ATG16L1: variants seen among roughly 807,000 people sequenced by gnomAD.
ATG16L1 encodes the protein autophagy-related protein 16-1.
ATG16L1 carries 37 observed loss-of-function variants against 88.5 expected under a neutral mutation model. The observed-to-expected ratio is 0.42, with a 90% CI of 0.32 to 0.55. ATG16L1 has a LOEUF of 0.55. Among genes scored for constraint, ATG16L1 ranks in the 20% least tolerant of loss-of-function variants. The pLI is 0.13. For missense variants in ATG16L1, 554 were observed against 752.8 expected (o/e 0.74, Z 3.09); for synonymous variants, 301 against 281.0 (o/e 1.07, Z -0.71).
chr2:233,263,869 T>C, intron 3 of ATG16L1, 123 bp from the exon 4 acceptor site: 1 of 855,338 alleles, frequency 1.2e-6, no homozygotes, highest in South Asian at 1.6e-5. Flanking sequence ...CATAGGCGCC[T>C]CGGCTCCTTG....
chr2:233,256,055 A>G, intron 1 of ATG16L1, 47 bp from the exon 2 acceptor site: 2 of 1,478,814 alleles, frequency 1.4e-6, no homozygotes, highest in Non-Finnish European at 1.9e-6. Flanking sequence ...GCAAGTGTAC[A>G]TACGTTGTAA....
chr2:233,270,159 T>C (rs1697894601), intron 6 of ATG16L1, 92 bp downstream of exon 6: 2 of 1,262,400 alleles, frequency 1.6e-6, no homozygotes, highest in Admixed American at 2.8e-5. Context: ...TTGGTTTTTT[T>C]TGAGACAGGG....
intron 8 of ATG16L1, 186 bp from the exon 9 acceptor site, chr2:233,274,490 C>G (rs1698208101): frequency 1.4e-5 from 7 of 513,528 alleles, no homozygotes; most frequent in Non-Finnish European, 2.4e-5. Flanking sequence ...GGCTCTCTTT[C>G]TCATTTGAGT....
chr2:233,290,407 T>G (rs754378311), intron 14 of ATG16L1, 54 bp downstream of exon 14: 2 of 1,381,068 alleles, frequency 1.4e-6, no homozygotes, highest in Non-Finnish European at 2.1e-6. Context: ...ACAGTAATGG[T>G]TCTGTACATG....
intron 12 of ATG16L1, chr2:233,289,082 G>A: frequency 2.9e-6 from 1 of 349,918 alleles, no homozygotes; most frequent in East Asian, 6.8e-5. Context: ...GCAACATCGA[G>A]GCTTTAAAAA....
intron 10 of ATG16L1, among the ~76,000 whole-genome samples, chr2:233,279,505 CCTTT>C (rs1698585311): frequency 1.3e-5 from 2 of 152,264 alleles, no homozygotes; most frequent in African/African-American, 4.8e-5. Context: ...TTGTGTAGGG[CCTTT>C]CTTCTACAAA....
intron 12 of ATG16L1, chr2:233,288,578 AC>A (rs1699236686): frequency 2.8e-6 from 1 of 354,482 alleles, no homozygotes; most frequent in East Asian, 7.1e-5. Context: ...CACTTTGCCA[AC>A]CCTTGCATTT....
rs766262130 is a variant in ATG16L1 at position 233,256,166 on chromosome 2, G to C, written c.180G>C (p.Lys60Asn). Residue 60 changes from lysine to asparagine, a missense_variant, in exon 2 of 18, where the codon AAG becomes AAC. By Grantham distance (94) the Lys-to-Asn change is moderately conservative. Transcript: ENST00000392017. ...TGGCCCAGAAACTACAGGCTGAAAA[G>C]CATGACGTACCAAACAGGCACGAGA... Reference protein sequence around the residue: ...SVLAQKLQAEKHDVPNRHEIS... With the variant: ...SVLAQKLQAENHDVPNRHEIS... 4 of 1,614,078 alleles carry C rather than the reference G, an allele frequency of 2.5e-6. No homozygotes were observed. The highest frequency in any genetic ancestry group is 3.4e-6 in the Non-Finnish European group (4 of 1,179,978).
Position 233,282,756 on chromosome 2 carries a change from A to G in ATG16L1, c.1203+3A>G, listed in dbSNP as rs535852734. ...CTGTGGATGATTATCGATTACGGGT[A>G]AGACCCAGTTAAGAAAGTTAGTGCA... On this transcript the variant is annotated splice_donor_region_variant and intron_variant, in intron 12 of 17. Coordinates refer to ENST00000392017, the MANE Select transcript of ATG16L1 (RefSeq NM_030803.7). 9 of 1,613,736 alleles carry G rather than the reference A, an allele frequency of 5.6e-6. No homozygotes were observed. The Admixed American group carries it at 1.5e-4, about 27-fold the overall frequency.
chr2:233,253,939 A>C (rs1293161329), intron 1 of ATG16L1, among the ~76,000 whole-genome samples: 1 of 152,192 alleles, frequency 6.6e-6, no homozygotes. Flanking sequence ...TTTGAAAGTC[A>C]AATTGGGTGG....
chr2:233,256,841 A>G (rs938726963), intron 2 of ATG16L1, among the ~76,000 whole-genome samples: 1 of 151,834 alleles, frequency 6.6e-6, no homozygotes, highest in African/African-American at 2.4e-5. Context: ...AGCTGGGTCT[A>G]CAGGAACCCA....
In ATG16L1 at chr2:233,294,501, G is replaced by A. The variant is rs1574913715; in HGVS notation, c.*151G>A. The A allele has an allele frequency of 1.8e-6, 1 of 541,432 alleles. No homozygotes were observed. The highest frequency in any genetic ancestry group is 3.2e-5 in the East Asian group (1 of 30,924). 33.5% of individuals were successfully genotyped at this position (541,432 alleles called of 1,614,324 possible). On this transcript the variant is annotated 3_prime_UTR_variant, in exon 18 of 18. Coordinates refer to ENST00000392017, the MANE Select transcript of ATG16L1 (RefSeq NM_030803.7). ...GTGGCACTGTAGCTTTGCCGTGAAT[G>A]GGATTTCTGAAGATTTGACTGAGGT...
At chr2:233,265,184 A>G in intron 5 of ATG16L1, 41 bp downstream of exon 5, 2 of 1,604,272 alleles carry the variant, frequency 1.2e-6, no homozygotes, top group Non-Finnish European at 1.7e-6. Flanking sequence ...CATCCTTAGT[A>G]GAGTAGAACC....
intron 2 of ATG16L1, among the ~76,000 whole-genome samples, chr2:233,258,530 T>C (rs559873388): frequency 6.6e-6 from 1 of 152,338 alleles, no homozygotes; most frequent in Admixed American, 6.5e-5. Flanking sequence ...TTTGGTTAAT[T>C]TTAGGTGTAG....
At chr2:233,273,237 G>C in intron 7 of ATG16L1, 185 bp downstream of exon 7, 1 of 579,678 alleles carries the variant, frequency 1.7e-6, no homozygotes, top group Middle Eastern at 4.6e-4. Flanking sequence ...TAATGGGAGG[G>C]AAGCAGAACA....
chr2:233,266,198 GGGAGGC>G (rs138169752), intron 5 of ATG16L1: 71,630 of 151,080 alleles, frequency 0.47, 17,301 homozygotes, highest in Non-Finnish European at 0.52. Context: ...CCAGCACTTT[GGGAGGC>G]GGAGGCGGAG....
chr2:233,252,058 C>A, intron 1 of ATG16L1, 116 bp downstream of exon 1: 6 of 810,540 alleles, frequency 7.4e-6, no homozygotes, highest in Non-Finnish European at 1.1e-5. Context: ...ATGGCGGCCG[C>A]CCCGGGTAAC....
At chr2:233,279,152 T>C (rs1349877964) in intron 10 of ATG16L1, among the ~76,000 whole-genome samples, 2 of 152,230 alleles carry the variant, frequency 1.3e-5, no homozygotes, top group Non-Finnish European at 2.9e-5. Flanking sequence ...CACTCCAGCA[T>C]GGGCAGCAGA....
Position 233,273,081 on chromosome 2 carries a change from A to G in ATG16L1, c.794+29A>G, listed in dbSNP as rs766360782. ...AGTAGGCAGGTTTGGGCCAGGGAAA[A>G]GACAGCTTGAGGAGCAATATGAAGG... is the stretch of plus-strand genomic sequence containing the variant. On this transcript the variant is annotated intron_variant, in intron 7 of 17. Coordinates refer to ENST00000392017, the MANE Select transcript of ATG16L1 (RefSeq NM_030803.7). The G allele has an allele frequency of 5.7e-6, 9 of 1,577,464 alleles. No individual in the cohort carries two copies. The South Asian group carries it at 1.0e-4, about 17-fold the overall frequency.
Sources: gnomAD v4.1 joint callset for allele counts (sites outside exome capture counted in the v4.1 genomes callset) on GRCh38, gnomAD v4.1.1 for gene constraint, MANE v1.5 for transcripts, NCBI Gene and HGNC (gene_info 2026-07-23, HGNC 2026-07-21) for gene names.